ROR1: variants seen among roughly 807,000 people sequenced by gnomAD.
The protein encoded by ROR1 is ROR family WNT receptor 1.
In ROR1, 19 loss-of-function variants were observed where a neutral mutation model predicts 78.8. The observed-to-expected ratio is 0.24, with a 90% CI of 0.17 to 0.35. The LOEUF is 0.35. ROR1 is among the 10% of genes least tolerant of loss of function. ROR1 has a pLI of 1.00. For missense variants in ROR1, 917 were observed against 1,177.8 expected (o/e 0.78, Z 3.24); for synonymous variants, 386 against 433.6 (o/e 0.89, Z 1.36).
At chr1:63,900,834 T>C (rs1481644045) in intron 1 of ROR1, among the ~76,000 whole-genome samples, 2 of 152,236 alleles carry the variant, frequency 1.3e-5, no homozygotes, top group Admixed American at 1.3e-4. Flanking sequence ...ATCATGAACA[T>C]GCCTCATGTT....
intron 1 of ROR1, among the ~76,000 whole-genome samples, chr1:63,875,567 G>T (rs1330159309): frequency 6.6e-6 from 1 of 152,066 alleles, no homozygotes; most frequent in African/African-American, 2.4e-5. Flanking sequence ...TACCTGGTAT[G>T]CCATGTTTAT....
chr1:63,901,968 A>G (rs1645488531), intron 1 of ROR1, among the ~76,000 whole-genome samples: 2 of 152,228 alleles, frequency 1.3e-5, no homozygotes, highest in African/African-American at 4.8e-5. Flanking sequence ...TAAATACTGC[A>G]ATACAGTATA....
chr1:64,002,707 G>GA (rs200315955), intron 1 of ROR1, among the ~76,000 whole-genome samples: 23 of 150,598 alleles, frequency 1.5e-4, no homozygotes, highest in African/African-American at 3.9e-4. Flanking sequence ...CTCCAAAGAG[G>GA]AAAAAAAAAG....
chr1:64,119,675 GC>G (rs1227425232), intron 4 of ROR1, among the ~76,000 whole-genome samples: 2 of 151,364 alleles, frequency 1.3e-5, no homozygotes, highest in African/African-American at 4.9e-5. Flanking sequence ...ATGGCTGGGG[GC>G]CTATAGTCTA....
At chr1:64,084,329 G>A (rs1310867691) in intron 4 of ROR1, among the ~76,000 whole-genome samples, 8 of 152,176 alleles carry the variant, frequency 5.3e-5, no homozygotes, top group East Asian at 1.9e-4. Context: ...GTCTTTAGGC[G>A]TTATAACTCT....
At chr1:63,971,234 C>A (rs1229494992) in intron 1 of ROR1, among the ~76,000 whole-genome samples, 1 of 152,154 alleles carries the variant, frequency 6.6e-6, no homozygotes, top group Admixed American at 6.5e-5. Context: ...TGACCTTGGG[C>A]AAATTATTTA....
chr1:63,808,633 G>A (rs1362191813), intron 1 of ROR1, among the ~76,000 whole-genome samples: 1 of 152,110 alleles, frequency 6.6e-6, no homozygotes, highest in Non-Finnish European at 1.5e-5. Flanking sequence ...TGAGAAAGGA[G>A]GTTTCCCAGG....
chr1:63,992,310 C>T lies in ROR1; in HGVS notation c.92-16995C>T, dbSNP rs1470396127. 4.6e-5 allele frequency among the ~76,000 whole-genome samples: 7 copies of T among 151,920 alleles called. No homozygotes were observed. The East Asian group carries it at 5.8e-4, about 13-fold the overall frequency. On this transcript the variant is annotated intron_variant, in intron 1 of 8. Transcript: ENST00000371079. ...GCAACTTCCGACTCCCTGGTTCAAG[C>T]GATTCTCCTGCCTCAGCCTCCCGAG...
At chr1:63,889,145 CA>C (rs1405152382) in intron 1 of ROR1, among the ~76,000 whole-genome samples, 4 of 152,094 alleles carry the variant, frequency 2.6e-5, no homozygotes, top group African/African-American at 9.7e-5. Flanking sequence ...ATGGCTTTCC[CA>C]GTGAGTCATA....
intron 4 of ROR1, among the ~76,000 whole-genome samples, chr1:64,136,287 A>G (rs1569835233): frequency 3.9e-5 from 6 of 152,012 alleles, no homozygotes; most frequent in Admixed American, 3.9e-4. Context: ...TCAGGAAGAG[A>G]ATTTTGTTCT....
chr1:64,007,656 A>T (rs911286203), intron 1 of ROR1, among the ~76,000 whole-genome samples: 5 of 152,082 alleles, frequency 3.3e-5, no homozygotes, highest in Non-Finnish European at 5.9e-5. Flanking sequence ...ATTTTAAGTT[A>T]TTTACCACAA....
rs150094343 is a variant in ROR1 at position 63,935,843 on chromosome 1, C to T, written c.92-73462C>T. ...CTAGCACATTAGATAACTTTTGAAACGTTTGACATATTGCAGGTAGCATTA... is the reference window on the plus strand; with the variant it reads ...CTAGCACATTAGATAACTTTTGAAATGTTTGACATATTGCAGGTAGCATTA... On this transcript the variant is annotated intron_variant, in intron 1 of 8. Transcript: ENST00000371079. Among the ~76,000 whole-genome samples, 12 of 152,184 alleles carry T rather than the reference C, an allele frequency of 7.9e-5. No homozygotes were observed. In the East Asian group the frequency reaches 1.9e-3, roughly 25 times the overall value.
Position 64,140,216 on chromosome 1 carries a change from T to C in ROR1, c.718T>C (p.Ser240Pro). 1.2e-6 allele frequency: 2 copies of C among 1,614,168 alleles called. No homozygotes were observed. Among genetic ancestry groups the C allele is most frequent in the Non-Finnish European group, 1.7e-6 (2 of 1,180,018 alleles). ...YAFPYCDETS[S>P]VPKPRDLCRD... is the part of the protein sequence containing the mutation. Reference sequence around the variant, plus strand: ...CTTCCCGTACTGCGATGAAACTTCATCCGTCCCAAAGCCCCGTGACTTGTG... The same window carrying C: ...CTTCCCGTACTGCGATGAAACTTCACCCGTCCCAAAGCCCCGTGACTTGTG... Residue 240 changes from serine to proline, a missense_variant, in exon 6 of 9, where the codon TCC becomes CCC. By Grantham distance (74) the Ser-to-Pro change is moderately conservative. Around this residue, in one of 3 missense-constraint regions of ROR1, gnomAD observed 835 missense variants for 1,069.8 expected, o/e 0.78. Coordinates refer to ENST00000371079, the MANE Select transcript of ROR1 (RefSeq NM_005012.4).
intron 2 of ROR1, among the ~76,000 whole-genome samples, chr1:64,040,233 A>G (rs1646735739): frequency 6.6e-6 from 1 of 152,174 alleles, no homozygotes; most frequent in Non-Finnish European, 1.5e-5. Flanking sequence ...TAGAAACAAG[A>G]TTGGGAATAT....
intron 4 of ROR1, among the ~76,000 whole-genome samples, chr1:64,057,282 CT>C (rs1646882744): frequency 2.0e-5 from 3 of 152,208 alleles, no homozygotes; most frequent in South Asian, 4.2e-4. Flanking sequence ...ATTGAATTGT[CT>C]TGGCACTCTG....
intron 1 of ROR1, chr1:63,788,615 T>TA: frequency 6.6e-6 from 1 of 152,198 alleles, no homozygotes; most frequent in Admixed American, 6.7e-5. Context: ...AATATATATA[T>TA]TATATGTTAT....
chr1:63,918,011 G>T (rs1645622085), intron 1 of ROR1, among the ~76,000 whole-genome samples: 1 of 152,178 alleles, frequency 6.6e-6, no homozygotes, highest in Non-Finnish European at 1.5e-5. Context: ...GGAGACAACT[G>T]TTGTTCCAAA....
Position 63,811,399 on chromosome 1 carries a change from G to T in ROR1, c.91+36891G>T, listed in dbSNP as rs1235658202. The stretch of plus-strand genomic sequence containing the variant: ...CTGATTATGAGAAATTGGTCCAGCT[G>T]TTTAGGTTACTTTTGAGATCAAAAT... On this transcript the variant is annotated intron_variant, in intron 1 of 8. Coordinates refer to ENST00000371079, the MANE Select transcript of ROR1 (RefSeq NM_005012.4). 5.3e-5 allele frequency among the ~76,000 whole-genome samples: 8 copies of T among 152,306 alleles called. No homozygotes were observed. In the East Asian group the frequency reaches 1.3e-3, roughly 26 times the overall value.
intron 8 of ROR1, among the ~76,000 whole-genome samples, chr1:64,163,913 A>G (rs1017254745): frequency 2.0e-5 from 3 of 152,138 alleles, no homozygotes; most frequent in African/African-American, 7.2e-5. Flanking sequence ...TGAGCTCACC[A>G]TTCTATTAAC....
Sources: gnomAD v4.1 joint callset for allele counts (sites outside exome capture counted in the v4.1 genomes callset) on GRCh38, gnomAD v4.1.1 for gene constraint, gnomAD v4.1.1 regional missense constraint, MANE v1.5 for transcripts, NCBI Gene and HGNC (gene_info 2026-07-23, HGNC 2026-07-21) for gene names.